The following PIP4K2B variants were observed in gnomAD, a reference collection of about 807,000 sequenced individuals.
The protein encoded by PIP4K2B is phosphatidylinositol-5-phosphate 4-kinase type 2 beta, also known as phosphatidylinositol 5-phosphate 4-kinase type-2 beta.
A neutral mutation model predicts 42.0 loss-of-function variants in PIP4K2B; 3 were observed. The ratio of observed to expected loss-of-function variants is 0.07; its 90% CI spans 0.03 to 0.18. The LOEUF (loss-of-function observed/expected upper bound fraction) is 0.18, where lower values mean the gene tolerates loss of function less well. Among genes scored for constraint, PIP4K2B ranks in the 10% least tolerant of loss-of-function variants. The pLI is 1.00. For missense variants in PIP4K2B, 332 were observed against 562.3 expected, an observed-to-expected ratio of 0.59 and a Z score of 4.14; for synonymous variants, 204 against 210.1, an observed-to-expected ratio of 0.97 and a Z score of 0.25.
At chr17:38,770,377 A>C (rs555649409) in intron 9 of PIP4K2B, 59 bp downstream of exon 9, 1 of 990,368 alleles carries the variant, frequency 1.0e-6, no homozygotes, top group Admixed American at 1.8e-5. Context: ...CTGGGGTCTG[A>C]GGGTAAGCAC....
chr17:38,769,646 G>A lies in PIP4K2B; in HGVS notation c.*45C>T, dbSNP rs770613453. 2.0e-5 allele frequency: 23 copies of A among 1,134,874 alleles called. No individual in the cohort carries two copies. The highest frequency in any genetic ancestry group is 4.6e-5 in the African/African-American group (3 of 65,626). The allele number at this position is 1,134,874 out of a possible 1,614,324, so 70.3% of individuals were successfully genotyped here. ...CCCTTCTCCCTAACTCCCGATCCCC[G>A]ACCCCATATCCAGCTCTCTGGCTCT... On this transcript the variant is annotated 3_prime_UTR_variant, in exon 10 of 10. Transcript: ENST00000619039.
chr17:38,796,135 C>T (rs1192517426), intron 1 of PIP4K2B, among the ~76,000 whole-genome samples: 1 of 152,120 alleles, frequency 6.6e-6, no homozygotes, highest in Non-Finnish European at 1.5e-5. Context: ...GAGACTCCAT[C>T]ACAAAAACAA....
intron 1 of PIP4K2B, among the ~76,000 whole-genome samples, chr17:38,794,400 T>C (rs1481501835): frequency 1.3e-5 from 2 of 151,582 alleles, no homozygotes; most frequent in East Asian, 1.9e-4. Flanking sequence ...AGCTGCACTA[T>C]GACACTGTTC....
intron 7 of PIP4K2B, chr17:38,776,654 CA>C (rs533170653): frequency 2.1e-5 from 9 of 433,126 alleles, no homozygotes; most frequent in Admixed American, 5.4e-5. Context: ...AACAAACAAA[CA>C]AAAAAAACAC....
At position 38,787,688 on chromosome 17, in the gene PIP4K2B, G is replaced by A. The variant is rs137868626; in HGVS notation, c.160-768C>T. 1.8e-4 allele frequency among the ~76,000 whole-genome samples: 28 copies of A among 152,284 alleles called. No individual in the cohort carries two copies. In the East Asian group the frequency reaches 4.8e-3, roughly 26 times the overall value. On this transcript the variant is annotated intron_variant, in intron 1 of 9. Transcript: ENST00000619039. ...AGCTCACTGCAATCTCCACCTCCTG[G>A]CCTCAAGTGATTCTCCTGCCTCAGC...
chr17:38,770,589 G>A (rs370142670), intron 8 of PIP4K2B, 50 bp from the exon 9 acceptor site: 19 of 991,916 alleles, frequency 1.9e-5, no homozygotes, highest in Non-Finnish European at 2.9e-5. Context: ...CAGGAGAAGG[G>A]CAGACAGCAG....
chr17:38,797,717 T>A (rs1910731257), intron 1 of PIP4K2B, among the ~76,000 whole-genome samples: 1 of 151,934 alleles, frequency 6.6e-6, no homozygotes, highest in Non-Finnish European at 1.5e-5. Context: ...CCTGGTAGAG[T>A]GAGAAGCAGG....
In PIP4K2B at chr17:38,799,556, T is replaced by A; in HGVS notation, c.-132A>T. The stretch of plus-strand genomic sequence containing the variant: ...CGCGCCATGGTCGCGCCCGTCCCGT[T>A]ACCTCCCACCCCGCCCCGGTGGTTC... On this transcript the variant is annotated 5_prime_UTR_variant, in exon 1 of 10. Coordinates refer to ENST00000619039, the MANE Select transcript of PIP4K2B (RefSeq NM_003559.5). This position sits in a 1 kb window ranked among gnomAD's most constrained non-coding sequence, Gnocchi z 4.4. 7.8e-7 allele frequency: 1 copy of A among 1,278,206 alleles called. No homozygotes were observed. The allele number at this position is 1,278,206 out of a possible 1,614,324, so 79.2% of individuals were successfully genotyped here. A position where few individuals can be genotyped will look rare whatever the true frequency, so the allele number is the denominator to read the frequency against.
chr17:38,786,974 G>C (rs772066000), intron 1 of PIP4K2B, 54 bp from the exon 2 acceptor site: 7 of 1,066,050 alleles, frequency 6.6e-6, no homozygotes, highest in Non-Finnish European at 1.0e-5. Context: ...CTGCCTCAGA[G>C]ACACTAAGCT....
chr17:38,795,468 A>G (rs183743397), intron 1 of PIP4K2B, among the ~76,000 whole-genome samples: 5 of 152,268 alleles, frequency 3.3e-5, no homozygotes, highest in Non-Finnish European at 5.9e-5. Context: ...GAAAATGTAC[A>G]GGCCAGGCAC....
chr17:38,785,492 C>T (rs1027135306), intron 2 of PIP4K2B, among the ~76,000 whole-genome samples: 1 of 152,188 alleles, frequency 6.6e-6, no homozygotes, highest in Non-Finnish European at 1.5e-5. Flanking sequence ...GCCTGGCCAA[C>T]ATGGTGAAAC....
chr17:38,773,978 A>C lies in PIP4K2B; in HGVS notation c.808-2706T>G, dbSNP rs533087390. ...AGAAAAGGGAGAAGGACAAAGACTC[A>C]GGACAAATAATGTCAGATGATGAAA... On this transcript the variant is annotated intron_variant, in intron 7 of 9. Coordinates refer to ENST00000619039, the MANE Select transcript of PIP4K2B (RefSeq NM_003559.5). Among the ~76,000 whole-genome samples, 5 of 152,372 alleles carry C rather than the reference A, an allele frequency of 3.3e-5. No individual in the cohort carries two copies. The South Asian group carries it at 1.0e-3, about 32-fold the overall frequency.
chr17:38,778,381 A>G lies in PIP4K2B; in HGVS notation c.655-9T>C. ...CTGGCAACCGTAGAACCCTGAAAGGATAAGAGCCATCAGGGGAAGTCAAGC... is the reference window on the plus strand; with the variant it reads ...CTGGCAACCGTAGAACCCTGAAAGGGTAAGAGCCATCAGGGGAAGTCAAGC... On this transcript the variant is annotated splice_polypyrimidine_tract_variant and intron_variant, in intron 5 of 9. Coordinates refer to ENST00000619039, the MANE Select transcript of PIP4K2B (RefSeq NM_003559.5). The G allele has an allele frequency of 1.2e-6, 2 of 1,613,944 alleles. No individual in the cohort carries two copies. The highest frequency in any genetic ancestry group is 1.7e-6 in the Non-Finnish European group (2 of 1,179,828).
chr17:38,775,593 C>G (rs1368492624), intron 7 of PIP4K2B, among the ~76,000 whole-genome samples: 1 of 152,102 alleles, frequency 6.6e-6, no homozygotes, highest in African/African-American at 2.4e-5. Flanking sequence ...TGTGGTGGCT[C>G]ACGCCTGTAA....
intron 3 of PIP4K2B, 116 bp from the exon 4 acceptor site, chr17:38,780,720 A>C: frequency 1.0e-6 from 1 of 953,218 alleles, no homozygotes; most frequent in Non-Finnish European, 1.5e-6. Context: ...AGATAGAGGG[A>C]CTCCCAGATG....
chr17:38,794,315 G>C (rs1014246163), intron 1 of PIP4K2B, among the ~76,000 whole-genome samples: 1 of 151,904 alleles, frequency 6.6e-6, no homozygotes, highest in Non-Finnish European at 1.5e-5. Context: ...GTTGCCAGGG[G>C]CTGGGGGCGG....
rs1294902766 is a variant in PIP4K2B, at chr17:38,768,408, A to G, written c.*1283T>C. On this transcript the variant is annotated 3_prime_UTR_variant, in exon 10 of 10. Transcript: ENST00000619039. ...AAGTCTAGAGCGGGGCAACAAGGAA[A>G]AACAGCCCCAAGGCTGAGGCCAGGT... The G allele has an allele frequency of 6.5e-6, 1 of 152,938 alleles. No homozygotes were observed. The highest frequency in any genetic ancestry group is 1.5e-5 in the Non-Finnish European group (1 of 68,060). 9.5% of individuals were successfully genotyped at this position (152,938 alleles called of 1,614,324 possible).
chr17:38,793,640 G>A (rs1910461101), intron 1 of PIP4K2B, among the ~76,000 whole-genome samples: 2 of 152,292 alleles, frequency 1.3e-5, no homozygotes, highest in Admixed American at 6.5e-5. Flanking sequence ...GAAGACCGAG[G>A]TGGGCAAATC....
chr17:38,775,693 TA>T (rs1196839863), intron 7 of PIP4K2B, among the ~76,000 whole-genome samples: 2 of 151,742 alleles, frequency 1.3e-5, no homozygotes, highest in Non-Finnish European at 2.9e-5. Context: ...CCGTCTCCAC[TA>T]AAAAAATACA....
Sources: allele counts gnomAD v4.1 joint callset (sites outside exome capture counted in the v4.1 genomes callset), GRCh38; gene constraint gnomAD v4.1.1; non-coding constraint Gnocchi (gnomAD v3.1); transcripts MANE v1.5; gene names NCBI Gene and HGNC (gene_info 2026-07-23, HGNC 2026-07-21).